Variants in MTSS1 observed in about 807,000 individuals in gnomAD.
The protein encoded by MTSS1 is protein MTSS 1.
A neutral mutation model predicts 79.0 loss-of-function variants in MTSS1; 18 were observed. The ratio of observed to expected loss-of-function variants is 0.23; its 90% CI spans 0.16 to 0.34. MTSS1 has a LOEUF of 0.34. Among genes scored for constraint, MTSS1 ranks in the 10% least tolerant of loss-of-function variants. The pLI, the probability that MTSS1 is intolerant of heterozygous loss-of-function variation, is 1.00. For synonymous variants in MTSS1, 341 were observed against 368.6 expected (o/e 0.93, Z 0.86); for missense variants, 815 against 986.2 (o/e 0.83, Z 2.33).
intron 3 of MTSS1, among the ~76,000 whole-genome samples, chr8:124,622,060 AAGAGAGAG>A (rs55869660): frequency 2.7e-3 from 292 of 110,114 alleles, no homozygotes; most frequent in East Asian, 4.5e-3. Context: ...CAGAAAGAGA[AAGAGAGAG>A]AGAGAGAGAG....
rs1818999152 is a variant in MTSS1 at position 124,646,355 on chromosome 8, A to G, written c.208+53171T>C. 2.0e-5 allele frequency among the ~76,000 whole-genome samples: 3 copies of G among 152,230 alleles called. No individual in the cohort carries two copies. In the South Asian group the frequency reaches 6.2e-4, roughly 31 times the overall value. ...CCATCTAATCAGCATCTCTTGGTAA[A>G]TAAATGACCATAGAGTCATTTATTT... On this transcript the variant is annotated intron_variant, in intron 3 of 13. Coordinates refer to ENST00000518547, the MANE Select transcript of MTSS1 (RefSeq NM_014751.6).
chr8:124,556,684 A>G, intron 11 of MTSS1: 3 of 469,498 alleles, frequency 6.4e-6, no homozygotes, highest in Non-Finnish European at 1.1e-5. Flanking sequence ...GCAGCCACCT[A>G]ACAGGTGACC....
intron 10 of MTSS1, among the ~76,000 whole-genome samples, chr8:124,561,177 AT>A (rs1466242943): frequency 6.6e-6 from 1 of 152,210 alleles, no homozygotes; most frequent in African/African-American, 2.4e-5. Context: ...CATGCCTGTA[AT>A]TCCAGAATTT....
At chr8:124,614,782 G>A (rs1333338766) in intron 3 of MTSS1, among the ~76,000 whole-genome samples, 1 of 152,214 alleles carries the variant, frequency 6.6e-6, no homozygotes, top group African/African-American at 2.4e-5. Context: ...AGGGCAGGGG[G>A]AGGAAAGGAA....
Position 124,597,920 on chromosome 8 carries a change from G to C in MTSS1, c.209-6685C>G, listed in dbSNP as rs905146925. On this transcript the variant is annotated intron_variant, in intron 3 of 13. Transcript: ENST00000518547. The surrounding 1 kb of genome is among the most constrained non-coding windows in gnomAD (Gnocchi z 4.6). Reference sequence around the variant, plus strand: ...GCAGGGCAGGAGAGTTCACTAGAGTGGGGTATCTCGGCCTCAGCCCTGCTG... The same window carrying C: ...GCAGGGCAGGAGAGTTCACTAGAGTCGGGTATCTCGGCCTCAGCCCTGCTG... Among the ~76,000 whole-genome samples the C allele has an allele frequency of 6.6e-6, 1 of 152,174 alleles. No individual in the cohort carries two copies. Among genetic ancestry groups the C allele is most frequent in the Non-Finnish European group, 1.5e-5 (1 of 68,038 alleles).
intron 3 of MTSS1, among the ~76,000 whole-genome samples, chr8:124,657,427 AG>A (rs1166485985): frequency 1.3e-5 from 2 of 150,830 alleles, no homozygotes; most frequent in African/African-American, 4.9e-5. Flanking sequence ...TGGAATGGAA[AG>A]TTTTTTCCTT....
chr8:124,686,228 C>G (rs1019443935), intron 3 of MTSS1, among the ~76,000 whole-genome samples: 13 of 152,206 alleles, frequency 8.5e-5, no homozygotes, highest in African/African-American at 3.1e-4. Context: ...TCCAGCTCCG[C>G]CTCCCTGAGC....
At chr8:124,681,737 G>C (rs570482054) in intron 3 of MTSS1, among the ~76,000 whole-genome samples, 1 of 152,140 alleles carries the variant, frequency 6.6e-6, no homozygotes, top group African/African-American at 2.4e-5. Flanking sequence ...GCAGTGAGCC[G>C]AGATCATGCC....
chr8:124,585,289 A>T, intron 5 of MTSS1, 128 bp from the exon 6 acceptor site: 2 of 695,446 alleles, frequency 2.9e-6, no homozygotes, highest in Non-Finnish European at 5.0e-6. Flanking sequence ...GCTTTATCAG[A>T]ATACAATATG....
At chr8:124,624,382 G>A (rs1814239509) in intron 3 of MTSS1, among the ~76,000 whole-genome samples, 1 of 152,182 alleles carries the variant, frequency 6.6e-6, no homozygotes, top group Non-Finnish European at 1.5e-5. Flanking sequence ...AGAGAAACTG[G>A]GAGGCATGGA....
At chr8:124,659,809 GGCT>G (rs1821663426) in intron 3 of MTSS1, among the ~76,000 whole-genome samples, 1 of 152,180 alleles carries the variant, frequency 6.6e-6, no homozygotes, top group South Asian at 2.1e-4. Context: ...CAAATGCAGT[GGCT>G]ATTTCTAAGA....
In MTSS1 at chr8:124,642,432, C is replaced by T. The variant is rs964636674; in HGVS notation, c.209-51197G>A. Among the ~76,000 whole-genome samples, 5 of 152,234 alleles carry T rather than the reference C, an allele frequency of 3.3e-5. No homozygotes were observed. In the South Asian group the frequency reaches 1.0e-3, roughly 32 times the overall value. ...CTACCCTTTGAAGTTTCAGTTAGCT[C>T]CCATCTTCCTGCCAATCACCCACCT... is the stretch of plus-strand genomic sequence containing the variant. On this transcript the variant is annotated intron_variant, in intron 3 of 13. Coordinates refer to ENST00000518547, the MANE Select transcript of MTSS1 (RefSeq NM_014751.6).
chr8:124,659,340 A>G (rs904102132), intron 3 of MTSS1, among the ~76,000 whole-genome samples: 2 of 152,216 alleles, frequency 1.3e-5, no homozygotes, highest in South Asian at 2.1e-4. Context: ...TAGTTTATTA[A>G]GTTTTTCTCC....
At chr8:124,694,862 G>A (rs55905631) in intron 3 of MTSS1, among the ~76,000 whole-genome samples, 21,155 of 152,042 alleles carry the variant, frequency 0.14, 1,857 homozygotes, top group Non-Finnish European at 0.19. Context: ...ACAGAAAATC[G>A]TACTTTCATA....
chr8:124,574,450 A>G (rs1378543283), intron 6 of MTSS1, among the ~76,000 whole-genome samples: 1 of 152,190 alleles, frequency 6.6e-6, no homozygotes, highest in Non-Finnish European at 1.5e-5. Flanking sequence ...CACAATCATG[A>G]GCACTAAGCC....
intron 3 of MTSS1, among the ~76,000 whole-genome samples, chr8:124,694,531 A>C (rs1388790641): frequency 6.6e-6 from 1 of 152,050 alleles, no homozygotes; most frequent in Non-Finnish European, 1.5e-5. Flanking sequence ...ACTGAAAATC[A>C]GGATAGCTAG....
rs148254987 is a variant in MTSS1, at chr8:124,678,530, C to T, written c.208+20996G>A. Among the ~76,000 whole-genome samples the T allele has an allele frequency of 8.7e-3, 1,332 of 152,266 alleles. 27 individuals carry two copies. The highest frequency in any genetic ancestry group is 0.031 in the African/African-American group (1,268 of 41,538). ...AAGAGCAAAGGTACGTCTTACATGGCGGCAGGCAAAAGAGCGTGTACAGAG... is the reference window on the plus strand; with the variant it reads ...AAGAGCAAAGGTACGTCTTACATGGTGGCAGGCAAAAGAGCGTGTACAGAG... On this transcript the variant is annotated intron_variant, in intron 3 of 13. Transcript: ENST00000518547.
chr8:124,625,568 G>A (rs1026663063), intron 3 of MTSS1, among the ~76,000 whole-genome samples: 3 of 152,182 alleles, frequency 2.0e-5, no homozygotes, highest in African/African-American at 4.8e-5. Flanking sequence ...AAGTTCAGCT[G>A]GTATAGACCA....
rs540599562 is a variant in MTSS1, at chr8:124,703,856, G to A, written c.134+274C>T. ...AGTGAGCAATACATAAATGTTACCC[G>A]TTGCTACCTTACATACAGTACCTAC... On this transcript the variant is annotated intron_variant, in intron 2 of 13. Coordinates refer to ENST00000518547, the MANE Select transcript of MTSS1 (RefSeq NM_014751.6). 1.2e-4 allele frequency among the ~76,000 whole-genome samples: 18 copies of A among 152,256 alleles called. No homozygotes were observed. In the East Asian group the frequency reaches 1.9e-3, roughly 16 times the overall value.
Sources: allele counts gnomAD v4.1 joint callset (sites outside exome capture counted in the v4.1 genomes callset), GRCh38; gene constraint gnomAD v4.1.1; non-coding constraint Gnocchi (gnomAD v3.1); transcripts MANE v1.5; gene names NCBI Gene and HGNC (gene_info 2026-07-23, HGNC 2026-07-21).